ANKS4B: variants seen among roughly 807,000 people sequenced by gnomAD.
ANKS4B encodes the protein ankyrin repeat and sterile alpha motif domain containing 4B, also known as ankyrin repeat and SAM domain-containing protein 4B.
A neutral mutation model predicts 20.2 loss-of-function variants in ANKS4B; 21 were observed. The ratio of observed to expected loss-of-function variants is 1.04; its 90% CI spans 0.74 to 1.50. The LOEUF (loss-of-function observed/expected upper bound fraction) is 1.50. Among genes scored for constraint, ANKS4B ranks in the 40% most tolerant of loss-of-function variants. The pLI is 0.00. For missense variants in ANKS4B, 473 were observed against 494.6 expected, an observed-to-expected ratio of 0.96 and a Z score of 0.41; for synonymous variants, 179 against 194.5, an observed-to-expected ratio of 0.92 and a Z score of 0.66.
chr16:21,250,967 T>C lies in ANKS4B; in HGVS notation c.*147T>C. The C allele has an allele frequency of 8.6e-7, 1 of 1,159,424 alleles. No homozygotes were observed. The highest frequency in any genetic ancestry group is 1.2e-6 in the Non-Finnish European group (1 of 842,650). 71.8% of individuals were successfully genotyped at this position (1,159,424 alleles called of 1,614,324 possible). On this transcript the variant is annotated 3_prime_UTR_variant, in exon 2 of 2. Coordinates refer to ENST00000311620, the MANE Select transcript of ANKS4B (RefSeq NM_145865.3). Reference sequence around the variant, plus strand: ...CTACCTGAGAGAGAGACCCAAACTTTACTCTGGGAGGTAGGCTATGCCCAT... The same window carrying C: ...CTACCTGAGAGAGAGACCCAAACTTCACTCTGGGAGGTAGGCTATGCCCAT...
chr16:21,244,580 C>T (rs2152859700), intron 1 of ANKS4B, among the ~76,000 whole-genome samples: 1 of 152,288 alleles, frequency 6.6e-6, no homozygotes, highest in Admixed American at 6.5e-5. Flanking sequence ...AGGATAACTT[C>T]AGGCAAATTT....
At chr16:21,242,013 C>A (rs1297672117) in intron 1 of ANKS4B, among the ~76,000 whole-genome samples, 1 of 152,030 alleles carries the variant, frequency 6.6e-6, no homozygotes, top group Admixed American at 6.6e-5. Flanking sequence ...GCCTGGGCAA[C>A]ATAGCAAGAC....
At chr16:21,247,577 G>T (rs961143574) in intron 1 of ANKS4B, among the ~76,000 whole-genome samples, 3 of 152,234 alleles carry the variant, frequency 2.0e-5, no homozygotes, top group Non-Finnish European at 4.4e-5. Context: ...CCAGAGTTTA[G>T]TGAGATCCTG....
intron 1 of ANKS4B, among the ~76,000 whole-genome samples, chr16:21,247,958 CT>C (rs1225986032): frequency 6.6e-6 from 1 of 152,134 alleles, no homozygotes; most frequent in African/African-American, 2.4e-5. Context: ...ATGTAATGCC[CT>C]TTTAATGAAT....
At chr16:21,239,829 A>G (rs1597604068) in intron 1 of ANKS4B, among the ~76,000 whole-genome samples, 1 of 152,212 alleles carries the variant, frequency 6.6e-6, no homozygotes, top group African/African-American at 2.4e-5. Flanking sequence ...AACACCACAT[A>G]TTCTTACTGA....
In ANKS4B at chr16:21,250,556, G is replaced by T. The variant is rs759603798; in HGVS notation, c.990G>T (p.Pro330=). The change falls in exon 2 of 2, where the codon CCG becomes CCT. Residue 330 remains proline (P), a synonymous_variant. Transcript: ENST00000311620. The stretch of plus-strand genomic sequence containing the variant: ...AAAACGGCCTCAAAGATGATCTGCC[G>T]TGGGATGACGATGAAGTGGAGTGGG... ...GEENGLKDDL[P]WDDDEVEWEE... is the part of the protein sequence containing the mutation. 6.2e-7 allele frequency: 1 copy of T among 1,614,176 alleles called. No homozygotes were observed. Among genetic ancestry groups the T allele is most frequent in the Non-Finnish European group, 8.5e-7 (1 of 1,180,032 alleles).
intron 1 of ANKS4B, among the ~76,000 whole-genome samples, chr16:21,241,358 G>T (rs2093326316): frequency 6.6e-6 from 1 of 152,140 alleles, no homozygotes; most frequent in South Asian, 2.1e-4. Flanking sequence ...ATTTGCTAGG[G>T]ATGGGATAAT....
At chr16:21,235,862 A>G (rs1339711820) in intron 1 of ANKS4B, among the ~76,000 whole-genome samples, 1 of 152,198 alleles carries the variant, frequency 6.6e-6, no homozygotes, top group African/African-American at 2.4e-5. Flanking sequence ...TTTCTCAGAC[A>G]CATCGATCCC....
In ANKS4B at chr16:21,249,768, C is replaced by A; in HGVS notation, c.202C>A (p.Pro68Thr). The change falls in exon 2 of 2, where the codon CCT becomes ACT. Residue 68 changes from proline to threonine, a missense_variant. Coordinates refer to ENST00000311620, the MANE Select transcript of ANKS4B (RefSeq NM_145865.3). ...PDRCDIWGNTPLHFAASNGHA... is the reference protein window; with the variant it reads ...PDRCDIWGNTTLHFAASNGHA... ...TAGGTGTGACATCTGGGGAAACACT[C>A]CTCTACATTTTGCAGCCTCCAATGG... 1 of 1,614,070 alleles carries A rather than the reference C, an allele frequency of 6.2e-7. No homozygotes were observed. The highest frequency in any genetic ancestry group is 1.1e-5 in the South Asian group (1 of 91,068).
At position 21,244,738 on chromosome 16, in the gene ANKS4B, G is replaced by A. The variant is rs184650562; in HGVS notation, c.165-4993G>A. Among the ~76,000 whole-genome samples, 331 of 152,158 alleles carry A rather than the reference G, an allele frequency of 2.2e-3. 1 individual carries two copies. Among genetic ancestry groups the A allele is most frequent in the Admixed American group, 4.1e-3 (63 of 15,280 alleles). On this transcript the variant is annotated intron_variant, in intron 1 of 1. Transcript: ENST00000311620. ...CACATGTTTAGGGGGGAGACACAGC[G>A]GTCCCTTAAGATGCGGGTCTGTGCC...
chr16:21,247,716 T>C (rs2093334121), intron 1 of ANKS4B, among the ~76,000 whole-genome samples: 1 of 152,234 alleles, frequency 6.6e-6, no homozygotes, highest in African/African-American at 2.4e-5. Context: ...TTCCTGTTTG[T>C]AACTCAAGTC....
intron 1 of ANKS4B, 121 bp downstream of exon 1, chr16:21,234,022 T>G (rs1567224163): frequency 9.7e-7 from 1 of 1,035,156 alleles, no homozygotes; most frequent in Non-Finnish European, 1.4e-6. Flanking sequence ...GTCTAAATGA[T>G]TGGATTTTTA....
chr16:21,248,153 GCTAAATATAGCCATT>G (rs2093334536), intron 1 of ANKS4B, among the ~76,000 whole-genome samples: 1 of 152,022 alleles, frequency 6.6e-6, no homozygotes, highest in African/African-American at 2.4e-5. Flanking sequence ...AAGTTTGACA[GCTAAATATAGCCATT>G]CTTTCTTACT....
intron 1 of ANKS4B, among the ~76,000 whole-genome samples, chr16:21,246,063 AT>A (rs2093331899): frequency 1.3e-5 from 2 of 152,168 alleles, no homozygotes; most frequent in Admixed American, 1.3e-4. Context: ...TTGAACATAA[AT>A]TTAATTTTTT....
intron 1 of ANKS4B, among the ~76,000 whole-genome samples, chr16:21,246,385 C>T (rs2093332281): frequency 6.6e-6 from 1 of 152,112 alleles, no homozygotes; most frequent in African/African-American, 2.4e-5. Flanking sequence ...TTTGTTTGGA[C>T]TACTATAAGT....
In ANKS4B at chr16:21,250,765, A is replaced by T; in HGVS notation, c.1199A>T (p.Asn400Ile). Residue 400 changes from asparagine (N) to isoleucine (I), a missense_variant, in exon 2 of 2, where the codon AAC (asparagine) becomes ATC (isoleucine). Physicochemically the swap from Asn to Ile is moderately radical, Grantham distance 149. Transcript: ENST00000311620. Reference protein sequence around the residue: ...GPRKKVLNAINRRKQVLQQPG... With the variant: ...GPRKKVLNAIIRRKQVLQQPG... ...AGGAAGAAAGTTCTGAATGCTATCAACAGGAGGAAGCAGGTGCTTCAACAG... is the reference window on the plus strand; with the variant it reads ...AGGAAGAAAGTTCTGAATGCTATCATCAGGAGGAAGCAGGTGCTTCAACAG... The T allele has an allele frequency of 1.2e-6, 2 of 1,605,892 alleles. No individual in the cohort carries two copies. The highest frequency in any genetic ancestry group is 1.7e-6 in the Non-Finnish European group (2 of 1,173,248).
intron 1 of ANKS4B, among the ~76,000 whole-genome samples, chr16:21,245,998 A>G (rs1003294330): frequency 6.6e-6 from 1 of 152,220 alleles, no homozygotes; most frequent in Admixed American, 6.5e-5. Context: ...ATTATCTTCA[A>G]TTTACAGATG....
chr16:21,247,643 A>C (rs1261000816), intron 1 of ANKS4B, among the ~76,000 whole-genome samples: 1 of 152,204 alleles, frequency 6.6e-6, no homozygotes, highest in Non-Finnish European at 1.5e-5. Flanking sequence ...GTATTATCAG[A>C]GTTCTCAGCA....
chr16:21,248,752 T>C (rs1015493121), intron 1 of ANKS4B, among the ~76,000 whole-genome samples: 1 of 152,120 alleles, frequency 6.6e-6, no homozygotes, highest in African/African-American at 2.4e-5. Flanking sequence ...TATAAACTTA[T>C]AATTTAACAA....
Sources: allele counts gnomAD v4.1 joint callset (sites outside exome capture counted in the v4.1 genomes callset), GRCh38; gene constraint gnomAD v4.1.1; transcripts MANE v1.5; gene names NCBI Gene and HGNC (gene_info 2026-07-23, HGNC 2026-07-21).